CRTC3: variants seen among roughly 807,000 people sequenced by gnomAD.
The protein encoded by CRTC3 is CREB-regulated transcription coactivator 3.
Under a neutral mutation model 74.5 loss-of-function variants are expected in CRTC3, and 26 were observed. That is an observed-to-expected ratio of 0.35 (90% CI 0.26 to 0.48). CRTC3 has a LOEUF of 0.48. Ranked by LOEUF, CRTC3 falls within the 20% of genes least tolerant of loss-of-function variation. The probability of loss-of-function intolerance (pLI) is 0.99; values close to 1 mark genes in which losing one functional copy is unlikely to be tolerated. For synonymous variants in CRTC3, 377 were observed against 325.8 expected (o/e 1.16, Z -1.69); for missense variants, 760 against 787.3 (o/e 0.97, Z 0.41).
chr15:90,593,569 A>T, intron 2 of CRTC3, 67 bp from the exon 3 acceptor site: 1 of 1,564,576 alleles, frequency 6.4e-7, no homozygotes, highest in Non-Finnish European at 8.8e-7. Flanking sequence ...TGTTGTTATC[A>T]GTTGTTCTTG....
At chr15:90,625,685 C>A in intron 9 of CRTC3, 91 bp from the exon 10 acceptor site, 1 of 1,193,640 alleles carries the variant, frequency 8.4e-7, no homozygotes, top group South Asian at 1.3e-5. Flanking sequence ...AGCCACTGCT[C>A]TTATTTGACA....
At chr15:90,578,341 G>T (rs911487098) in intron 2 of CRTC3, among the ~76,000 whole-genome samples, 3 of 152,094 alleles carry the variant, frequency 2.0e-5, no homozygotes, top group African/African-American at 7.2e-5. Flanking sequence ...GAGGTTAGGA[G>T]TTCGAGACCA....
At chr15:90,620,558 C>A (rs886980199) in intron 9 of CRTC3, among the ~76,000 whole-genome samples, 4 of 152,008 alleles carry the variant, frequency 2.6e-5, no homozygotes, top group African/African-American at 9.7e-5. Flanking sequence ...TTGGGAGGGC[C>A]GGCTGGTGTG....
chr15:90,644,690 G>C lies in CRTC3; in HGVS notation c.*2550G>C, dbSNP rs1695810241. On this transcript the variant is annotated 3_prime_UTR_variant, in exon 15 of 15. Coordinates refer to ENST00000268184, the MANE Select transcript of CRTC3 (RefSeq NM_022769.5). ...GGCATCGTACAACCCACTCTGCCTAGAAGGTGTGGAGGACTCACCACGGGC... is the reference window on the plus strand; with the variant it reads ...GGCATCGTACAACCCACTCTGCCTACAAGGTGTGGAGGACTCACCACGGGC... 4.3e-6 allele frequency: 1 copy of C among 232,516 alleles called. No individual in the cohort carries two copies. The highest frequency in any genetic ancestry group is 8.5e-6 in the Non-Finnish European group (1 of 117,658). 14.4% of individuals were successfully genotyped at this position (232,516 alleles called of 1,614,324 possible).
rs1345749994 is a variant in CRTC3, at chr15:90,643,396, C to T, written c.*1256C>T. On this transcript the variant is annotated 3_prime_UTR_variant, in exon 15 of 15. Coordinates refer to ENST00000268184, the MANE Select transcript of CRTC3 (RefSeq NM_022769.5). Reference sequence around the variant, plus strand: ...CAGTGAAGCCGGGCACTGCATTCTCCTTGGGCTGTGCTCCACGCGGGTGGG... The same window carrying T: ...CAGTGAAGCCGGGCACTGCATTCTCTTTGGGCTGTGCTCCACGCGGGTGGG... 1 of 228,664 alleles carries T rather than the reference C, an allele frequency of 4.4e-6. No individual in the cohort carries two copies. Among genetic ancestry groups the T allele is most frequent in the East Asian group, 6.2e-5 (1 of 16,030 alleles). The allele number at this position is 228,664 out of a possible 1,614,324, so 14.2% of individuals were successfully genotyped here.
At chr15:90,563,927 G>T (rs1186161275) in intron 2 of CRTC3, among the ~76,000 whole-genome samples, 1 of 151,430 alleles carries the variant, frequency 6.6e-6, no homozygotes, top group Non-Finnish European at 1.5e-5. Context: ...ATTTATATTA[G>T]TGTTTCTACC....
chr15:90,640,457 C>T (rs1391865574), intron 13 of CRTC3, among the ~76,000 whole-genome samples: 1 of 152,022 alleles, frequency 6.6e-6, no homozygotes. Context: ...AGGCCAAGGC[C>T]AGTGGCTTAC....
At position 90,593,726 on chromosome 15, in the gene CRTC3, C is replaced by T; in HGVS notation, c.322C>T (p.Arg108Ter). The T allele has an allele frequency of 6.2e-7, 1 of 1,610,046 alleles. No individual in the cohort carries two copies. The highest frequency in any genetic ancestry group is 1.7e-4 in the Middle Eastern group (1 of 6,050). ...PSRNRFHPLH[R>*]RSGDKPGRQF... ...CAGGAACCGCTTCCACCCCCTCCAC[C>T]GAAGGTCTGGGGACAAGCCAGGGCG... The change falls in exon 3 of 15, where the codon CGA becomes TGA. Residue 108 changes from arginine (R) to a stop codon, truncating the protein, a stop_gained. Coordinates refer to ENST00000268184, the MANE Select transcript of CRTC3 (RefSeq NM_022769.5). LOFTEE classifies it high-confidence loss of function.
At position 90,614,448 on chromosome 15, in the gene CRTC3, G is replaced by T. The variant is rs143951831; in HGVS notation, c.578-5G>T. 6.2e-7 allele frequency: 1 copy of T among 1,604,848 alleles called. No homozygotes were observed. Among genetic ancestry groups the T allele is most frequent in the South Asian group, 1.1e-5 (1 of 90,328 alleles). ...TTTCTTTTTTTCTTTTTCCTTTCCC[G>T]CTAGGTTTCTGTGATGGTGAGAATA... On this transcript the variant is annotated splice_polypyrimidine_tract_variant and splice_region_variant and intron_variant, in intron 6 of 14. Coordinates refer to ENST00000268184, the MANE Select transcript of CRTC3 (RefSeq NM_022769.5).
At chr15:90,571,305 G>A (rs1258841727) in intron 2 of CRTC3, among the ~76,000 whole-genome samples, 1 of 152,196 alleles carries the variant, frequency 6.6e-6, no homozygotes, top group African/African-American at 2.4e-5. Context: ...AACGGGTTGG[G>A]AGGAGGTCCC....
intron 1 of CRTC3, among the ~76,000 whole-genome samples, chr15:90,532,676 G>A (rs1966646370): frequency 6.6e-6 from 1 of 152,184 alleles, no homozygotes; most frequent in Non-Finnish European, 1.5e-5. Flanking sequence ...AGACTAGACT[G>A]TAGAGGATTT....
chr15:90,531,897 G>A (rs3930162), intron 1 of CRTC3, among the ~76,000 whole-genome samples: 65,628 of 151,878 alleles, frequency 0.43, 15,778 homozygotes, highest in Non-Finnish European at 0.55. Flanking sequence ...CATGAGTAAT[G>A]TACAGACTCT....
intron 2 of CRTC3, among the ~76,000 whole-genome samples, chr15:90,586,649 C>A (rs974266534): frequency 6.6e-6 from 1 of 152,060 alleles, no homozygotes; most frequent in African/African-American, 2.4e-5. Context: ...TGTGAGCCAC[C>A]GTGCCTGGCC....
chr15:90,638,351 T>G (rs1969314117), intron 11 of CRTC3, 95 bp from the exon 12 acceptor site: 1 of 1,070,826 alleles, frequency 9.3e-7, no homozygotes. Flanking sequence ...GAGGAAAATC[T>G]CAGGCTTCCT....
At chr15:90,635,721 A>G (rs547597962) in intron 11 of CRTC3, among the ~76,000 whole-genome samples, 5 of 152,118 alleles carry the variant, frequency 3.3e-5, no homozygotes, top group South Asian at 2.1e-4. Flanking sequence ...CACTCTTCCA[A>G]TGTCGCACCT....
rs1567182455 is a variant in CRTC3, at chr15:90,607,470, C to A, written c.569C>A (p.Pro190Gln). Residue 190 changes from proline (P) to glutamine (Q), a missense_variant, in exon 6 of 15, where the codon CCA (proline) becomes CAA (glutamine). Around this residue, in one of 2 missense-constraint regions of CRTC3, gnomAD observed 652 missense variants for 635.2 expected, o/e 1.03. Transcript: ENST00000268184. The stretch of plus-strand genomic sequence containing the variant: ...GGGGGCCAGTCGGCCTGGCCTGCCC[C>A]ATACATGGGTAAGACACACAGGCCA... ...GGGGQSAWPA[P>Q]YMGFCDGENN... The A allele has an allele frequency of 6.3e-7, 1 of 1,599,494 alleles. No individual in the cohort carries two copies. The highest frequency in any genetic ancestry group is 1.7e-5 in the Admixed American group (1 of 59,610).
At chr15:90,618,962 C>G (rs1156675965) in intron 8 of CRTC3, among the ~76,000 whole-genome samples, 1 of 152,180 alleles carries the variant, frequency 6.6e-6, no homozygotes, top group Non-Finnish European at 1.5e-5. Context: ...TCCCTGAGTA[C>G]CAGGGACTGG....
chr15:90,634,040 A>T lies in CRTC3; in HGVS notation c.1267-4406A>T, dbSNP rs542158929. 5.3e-5 allele frequency among the ~76,000 whole-genome samples: 8 copies of T among 151,272 alleles called. 1 individual carries two copies. The highest frequency in any genetic ancestry group is 1.9e-4 in the African/African-American group (8 of 41,212). On this transcript the variant is annotated intron_variant, in intron 11 of 14. Transcript: ENST00000268184. ...ATTTATCTTTATTTTCTATAATAGAATTTTCCTAAATTGCATAAAAGTAGA... is the reference window on the plus strand; with the variant it reads ...ATTTATCTTTATTTTCTATAATAGATTTTTCCTAAATTGCATAAAAGTAGA...
intron 2 of CRTC3, among the ~76,000 whole-genome samples, chr15:90,563,208 C>A (rs1967049931): frequency 6.6e-6 from 1 of 152,034 alleles, no homozygotes; most frequent in South Asian, 2.1e-4. Context: ...AAGTTTGAGA[C>A]CAGCCTGGCA....
Sources: gnomAD v4.1 joint callset for allele counts (sites outside exome capture counted in the v4.1 genomes callset) on GRCh38, gnomAD v4.1.1 for gene constraint, gnomAD v4.1.1 regional missense constraint, MANE v1.5 for transcripts, NCBI Gene and HGNC (gene_info 2026-07-23, HGNC 2026-07-21) for gene names.